MMRN1: variants seen among roughly 807,000 people sequenced by gnomAD.
MMRN1 encodes multimerin 1.
Under a neutral mutation model 100.7 loss-of-function variants are expected in MMRN1, and 94 were observed. The ratio of observed to expected loss-of-function variants is 0.93; its 90% CI spans 0.79 to 1.11. The LOEUF (loss-of-function observed/expected upper bound fraction) is 1.11, where lower values mean the gene tolerates loss of function less well. Among genes scored for constraint, MMRN1 ranks in the 50% least tolerant of loss-of-function variants. MMRN1 has a pLI of 0.00. For synonymous variants in MMRN1, 575 were observed against 505.0 expected (o/e 1.14, Z -1.86); for missense variants, 1,606 against 1,439.1 (o/e 1.12, Z -1.88).
In MMRN1 at chr4:89,909,267, C is replaced by A; in HGVS notation, c.624-9C>A. The A allele has an allele frequency of 6.4e-7, 1 of 1,570,196 alleles. No homozygotes were observed. The highest frequency in any genetic ancestry group is 8.6e-7 in the Non-Finnish European group (1 of 1,159,336). On this transcript the variant is annotated splice_polypyrimidine_tract_variant and intron_variant, in intron 1 of 7. Coordinates refer to ENST00000264790, the MANE Select transcript of MMRN1 (RefSeq NM_007351.3). ...CAGTTTTTTCCCTAACAATTATGAT[C>A]TTCTTTAGGAATTGGTGTGCTTATG...
intron 3 of MMRN1, among the ~76,000 whole-genome samples, chr4:89,913,003 C>A (rs1476380356): frequency 6.6e-6 from 1 of 151,010 alleles, no homozygotes; most frequent in African/African-American, 2.4e-5. Flanking sequence ...ATTCAGACTA[C>A]AGAATGAATA....
At chr4:89,905,823 T>C (rs1481848980) in intron 1 of MMRN1, among the ~76,000 whole-genome samples, 1 of 151,538 alleles carries the variant, frequency 6.6e-6, no homozygotes, top group Non-Finnish European at 1.5e-5. Context: ...TGTCTTACCT[T>C]GACTTCTAAT....
chr4:89,895,119 C>A lies in MMRN1; in HGVS notation c.148C>A (p.Gln50Lys). The A allele has an allele frequency of 6.2e-7, 1 of 1,613,848 alleles. No individual in the cohort carries two copies. Among genetic ancestry groups the A allele is most frequent in the African/African-American group, 1.3e-5 (1 of 75,010 alleles). ...TGCTTCAGTTCCTCCAAATAAAATACAAAGTTTGCAAATACTGCCAACCAC... is the reference window on the plus strand; with the variant it reads ...TGCTTCAGTTCCTCCAAATAAAATAAAAAGTTTGCAAATACTGCCAACCAC... Reference protein sequence around the residue: ...PSASVPPNKIQSLQILPTTRV... With the variant: ...PSASVPPNKIKSLQILPTTRV... The change falls in exon 1 of 8, where the codon CAA becomes AAA. Residue 50 changes from glutamine to lysine, a missense_variant. Coordinates refer to ENST00000264790, the MANE Select transcript of MMRN1 (RefSeq NM_007351.3).
chr4:89,922,197 C>T (rs971903434), intron 3 of MMRN1, among the ~76,000 whole-genome samples: 4 of 152,082 alleles, frequency 2.6e-5, no homozygotes, highest in Admixed American at 1.3e-4. Flanking sequence ...CTCCGCCTCC[C>T]GGGTTCAATA....
chr4:89,951,867 T>G, intron 7 of MMRN1, 116 bp downstream of exon 7: 3 of 1,214,390 alleles, frequency 2.5e-6, no homozygotes, highest in Non-Finnish European at 3.3e-6. Context: ...ACTTGACAAT[T>G]CCTTTTACTT....
At chr4:89,921,111 G>A (rs559686497) in intron 3 of MMRN1, among the ~76,000 whole-genome samples, 1 of 152,110 alleles carries the variant, frequency 6.6e-6, no homozygotes, top group Admixed American at 6.6e-5. Context: ...TCCTAACAAA[G>A]TATCCACAGC....
chr4:89,885,420 G>GT (rs1214063707), intron 1 of MMRN1, among the ~76,000 whole-genome samples: 1 of 152,004 alleles, frequency 6.6e-6, no homozygotes, highest in African/African-American at 2.4e-5. Context: ...TTGGTATTAG[G>GT]TTTTTGTGGC....
At chr4:89,947,891 C>T (rs1357948952) in intron 6 of MMRN1, among the ~76,000 whole-genome samples, 2 of 152,132 alleles carry the variant, frequency 1.3e-5, no homozygotes, top group South Asian at 2.1e-4. Flanking sequence ...CTCACTCCGT[C>T]GCCCAGGCTG....
intron 1 of MMRN1, among the ~76,000 whole-genome samples, chr4:89,898,128 A>T (rs988747311): frequency 2.0e-5 from 3 of 152,128 alleles, no homozygotes; most frequent in Admixed American, 2.0e-4. Context: ...TCACTTTTGG[A>T]CACAGTGCTG....
intron 3 of MMRN1, among the ~76,000 whole-genome samples, chr4:89,914,112 G>A (rs1377429729): frequency 6.6e-6 from 1 of 151,254 alleles, no homozygotes; most frequent in African/African-American, 2.4e-5. Context: ...TATCTCTCCT[G>A]GGAGGATATT....
intron 3 of MMRN1, among the ~76,000 whole-genome samples, chr4:89,919,506 A>T (rs187623439): frequency 7.6e-4 from 115 of 151,926 alleles, no homozygotes; most frequent in African/African-American, 2.6e-3. Context: ...AAGAAAAAAT[A>T]ATCTACCAAT....
chr4:89,939,225 T>TA (rs1424946734), intron 6 of MMRN1, among the ~76,000 whole-genome samples: 2 of 152,148 alleles, frequency 1.3e-5, no homozygotes, highest in Non-Finnish European at 2.9e-5. Flanking sequence ...ATAAGTATTA[T>TA]ACAGCCACAT....
intron 5 of MMRN1, among the ~76,000 whole-genome samples, chr4:89,934,317 T>C (rs1722533671): frequency 6.6e-6 from 1 of 152,152 alleles, no homozygotes; most frequent in Non-Finnish European, 1.5e-5. Context: ...TTTGAGAATA[T>C]CATTAAGGTT....
intron 1 of MMRN1, among the ~76,000 whole-genome samples, chr4:89,897,746 G>C (rs960830499): frequency 3.3e-5 from 5 of 152,126 alleles, no homozygotes; most frequent in African/African-American, 1.2e-4. Context: ...TGCCCATCAT[G>C]TGCTAGCACT....
At chr4:89,913,159 T>C (rs1267028379) in intron 3 of MMRN1, among the ~76,000 whole-genome samples, 1 of 151,248 alleles carries the variant, frequency 6.6e-6, no homozygotes, top group East Asian at 1.9e-4. Flanking sequence ...CACAAATATA[T>C]ACTCACAATG....
chr4:89,935,590 A>G lies in MMRN1; in HGVS notation c.1910A>G (p.Glu637Gly), dbSNP rs770515619. 14 of 1,613,474 alleles carry G rather than the reference A, an allele frequency of 8.7e-6. No homozygotes were observed. In the East Asian group the frequency reaches 3.1e-4, roughly 36 times the overall value. Residue 637 changes from glutamate to glycine, a missense_variant, in exon 6 of 8, where the codon GAG (glutamate) becomes GGG (glycine). Coordinates refer to ENST00000264790, the MANE Select transcript of MMRN1 (RefSeq NM_007351.3). Reference sequence around the variant, plus strand: ...GACAATAAGATGGACAAAATGAGTGAGCAACTAAATGATTTGACTTATGAT... The same window carrying G: ...GACAATAAGATGGACAAAATGAGTGGGCAACTAAATGATTTGACTTATGAT... ...PMDNKMDKMSEQLNDLTYDME... is the reference protein window; with the variant it reads ...PMDNKMDKMSGQLNDLTYDME...
In MMRN1 at chr4:89,936,472, GT is replaced by G; in HGVS notation, c.2793del (p.His932ThrfsTer10). On this transcript the variant is annotated frameshift_variant, in exon 6 of 8. Transcript: ENST00000264790. LOFTEE classifies it high-confidence loss of function. Reference sequence around the variant, plus strand: ...ACTCTCCACGAAGTTTTAACAATGTGTCACAATGCTTCTACAAGTGTGTCAG... The same window carrying G: ...ACTCTCCACGAAGTTTTAACAATGTGCACAATGCTTCTACAAGTGTGTCAG... The part of the protein sequence containing the change: ...NKTLHEVLTM[C>X]HNASTSVSEL... The G allele has an allele frequency of 6.2e-7, 1 of 1,613,086 alleles. No individual in the cohort carries two copies. The highest frequency in any genetic ancestry group is 8.5e-7 in the Non-Finnish European group (1 of 1,179,618).
At chr4:89,891,025 A>G (rs151040894), upstream of MMRN1, among the ~76,000 whole-genome samples, 112 of 152,126 alleles carry the variant, frequency 7.4e-4, 2 homozygotes, top group East Asian at 0.021. Context: ...TTTTTCTAGC[A>G]TCACTACTGC....
intron 4 of MMRN1, among the ~76,000 whole-genome samples, chr4:89,926,492 A>G (rs1195169401): frequency 2.0e-5 from 3 of 152,090 alleles, no homozygotes; most frequent in Non-Finnish European, 4.4e-5. Context: ...GTTTTCCTAT[A>G]GGCTTGTTTG....
Sources: gnomAD v4.1 joint callset for allele counts (sites outside exome capture counted in the v4.1 genomes callset) on GRCh38, gnomAD v4.1.1 for gene constraint, MANE v1.5 for transcripts, NCBI Gene and HGNC (gene_info 2026-07-23, HGNC 2026-07-21) for gene names.